TFB2M: variants seen among roughly 807,000 people sequenced by gnomAD.
TFB2M encodes dimethyladenosine transferase 2, mitochondrial.
Under a neutral mutation model 41.3 loss-of-function variants are expected in TFB2M, and 44 were observed. The ratio of observed to expected loss-of-function variants is 1.07; its 90% CI spans 0.84 to 1.37. The LOEUF is 1.37. Ranked by LOEUF, TFB2M falls within the 40% of genes most tolerant of loss-of-function variation. The pLI, the probability that TFB2M is intolerant of heterozygous loss-of-function variation, is 0.00. For synonymous variants in TFB2M, 188 were observed against 176.8 expected (o/e 1.06, Z -0.50); for missense variants, 496 against 490.2 (o/e 1.01, Z -0.11).
chr1:246,556,069 G>A (rs1391330473), intron 4 of TFB2M, among the ~76,000 whole-genome samples: 1 of 152,152 alleles, frequency 6.6e-6, no homozygotes, highest in Non-Finnish European at 1.5e-5. Flanking sequence ...GGGATTACAG[G>A]AGTGAGCCAC....
rs1174288631 is a variant in TFB2M at position 246,562,108 on chromosome 1, T to C, written c.402+2238A>G. Among the ~76,000 whole-genome samples, 4 of 152,136 alleles carry C rather than the reference T, an allele frequency of 2.6e-5. No homozygotes were observed. In the East Asian group the frequency reaches 5.8e-4, roughly 22 times the overall value. On this transcript the variant is annotated intron_variant, in intron 2 of 7. Coordinates refer to ENST00000366514, the MANE Select transcript of TFB2M (RefSeq NM_022366.3). ...GAACTCTTTTCAAAACAGTAAGTGG[T>C]AGAATAACAATAATTTCATACTCAT...
chr1:246,544,756 A>G lies in TFB2M; in HGVS notation c.859-75T>C. On this transcript the variant is annotated intron_variant, in intron 6 of 7. Transcript: ENST00000366514. ...TAAGACATTGCTCACTTCTTCCTTC[A>G]AGCTATCTGCTGAAAGACACAATCA... 2.3e-6 allele frequency: 3 copies of G among 1,325,424 alleles called. 1 individual carries two copies. The South Asian group carries it at 4.3e-5, about 19-fold the overall frequency. The allele number at this position is 1,325,424 out of a possible 1,614,324, so 82.1% of individuals were successfully genotyped here.
At chr1:246,556,960 G>GT (rs1319983057) in intron 3 of TFB2M, among the ~76,000 whole-genome samples, 1 of 152,086 alleles carries the variant, frequency 6.6e-6, no homozygotes, top group Non-Finnish European at 1.5e-5. Flanking sequence ...CTCATAAACT[G>GT]TATTAATATA....
In TFB2M at chr1:246,563,188, T is replaced by C. The variant is rs996674563; in HGVS notation, c.402+1158A>G. Reference sequence around the variant, plus strand: ...ATTCTGATGCTGCTGTGCTGCTTAGTTTCTCTGAACACACTTTTTTTTTTT... The same window carrying C: ...ATTCTGATGCTGCTGTGCTGCTTAGCTTCTCTGAACACACTTTTTTTTTTT... On this transcript the variant is annotated intron_variant, in intron 2 of 7. Coordinates refer to ENST00000366514, the MANE Select transcript of TFB2M (RefSeq NM_022366.3). Among the ~76,000 whole-genome samples, 3 of 146,602 alleles carry C rather than the reference T, an allele frequency of 2.0e-5. No homozygotes were observed. In the Admixed American group the frequency reaches 2.1e-4, roughly 10 times the overall value.
intron 6 of TFB2M, among the ~76,000 whole-genome samples, chr1:246,545,046 C>A (rs939398008): frequency 1.2e-4 from 16 of 137,516 alleles, no homozygotes; most frequent in Admixed American, 1.1e-3. Flanking sequence ...ACCTCGTGAT[C>A]CGCCCGCCTC....
intron 2 of TFB2M, among the ~76,000 whole-genome samples, chr1:246,558,816 T>C (rs1003588873): frequency 1.3e-5 from 2 of 152,198 alleles, no homozygotes; most frequent in Non-Finnish European, 2.9e-5. Context: ...GTCTAATATA[T>C]CTCAGTCTTC....
At chr1:246,545,006 C>G (rs191640887) in intron 6 of TFB2M, among the ~76,000 whole-genome samples, 3 of 151,734 alleles carry the variant, frequency 2.0e-5, no homozygotes, top group Non-Finnish European at 4.4e-5. Context: ...GGGGTTTCAC[C>G]GTGTTAGCCA....
chr1:246,555,620 T>TA (rs1367081742), intron 4 of TFB2M, among the ~76,000 whole-genome samples: 4 of 151,844 alleles, frequency 2.6e-5, no homozygotes, highest in Non-Finnish European at 5.9e-5. Context: ...CACAAAAAAC[T>TA]AAAAATAGAA....
intron 5 of TFB2M, 27 bp downstream of exon 5, chr1:246,551,186 G>A (rs372133000): frequency 1.1e-5 from 17 of 1,586,070 alleles, no homozygotes; most frequent in Middle Eastern, 1.7e-4. Flanking sequence ...AAAGAAAAAC[G>A]TTTTTAAACA....
chr1:246,558,583 A>G (rs1572091190), intron 2 of TFB2M, among the ~76,000 whole-genome samples: 1 of 152,342 alleles, frequency 6.6e-6, no homozygotes. Flanking sequence ...GAGAACTGTG[A>G]GCCATCTGCT....
At chr1:246,549,209 C>G (rs1463840740) in intron 5 of TFB2M, among the ~76,000 whole-genome samples, 1 of 151,984 alleles carries the variant, frequency 6.6e-6, no homozygotes, top group East Asian at 1.9e-4. Context: ...ATAACAAAAA[C>G]CTAGTGTCAA....
At chr1:246,551,699 AACAAC>A (rs1244665807) in intron 4 of TFB2M, among the ~76,000 whole-genome samples, 4 of 97,012 alleles carry the variant, frequency 4.1e-5, no homozygotes, top group Non-Finnish European at 1.1e-4. Context: ...CTTAAAAAAC[AACAAC>A]ACACAAGTGT....
intron 6 of TFB2M, among the ~76,000 whole-genome samples, chr1:246,547,185 C>T (rs1032374403): frequency 3.9e-5 from 6 of 152,032 alleles, no homozygotes; most frequent in South Asian, 2.1e-4. Context: ...GGTTTCAGCA[C>T]GTTGGCCAGG....
At chr1:246,553,467 C>CAACGTGGTAA (rs1659239630) in intron 4 of TFB2M, among the ~76,000 whole-genome samples, 1 of 152,130 alleles carries the variant, frequency 6.6e-6, no homozygotes, top group Non-Finnish European at 1.5e-5. Flanking sequence ...CCCAGAAGTT[C>CAACGTGGTAA]AAGACCAGCC....
intron 6 of TFB2M, 109 bp downstream of exon 6, chr1:246,548,436 T>C (rs1028835689): frequency 1.2e-6 from 1 of 847,260 alleles, no homozygotes; most frequent in East Asian, 2.8e-5. Context: ...TGTTTCTAGA[T>C]ATTTTAAAAT....
In TFB2M at chr1:246,564,062, G is replaced by C. The variant is rs147845489; in HGVS notation, c.402+284C>G. Reference sequence around the variant, plus strand: ...CACAGCGCAGCTTAGTAGAAATGGGGAAACAAGCCTAGGGATGCCAGTTAT... The same window carrying C: ...CACAGCGCAGCTTAGTAGAAATGGGCAAACAAGCCTAGGGATGCCAGTTAT... On this transcript the variant is annotated intron_variant, in intron 2 of 7. Transcript: ENST00000366514. Among the ~76,000 whole-genome samples the C allele has an allele frequency of 5.9e-3, 897 of 152,316 alleles. 7 individuals are homozygous for C. Among genetic ancestry groups the C allele is most frequent in the African/African-American group, 0.021 (864 of 41,562 alleles).
Position 246,553,626 on chromosome 1 carries a change from C to A in TFB2M, c.706-2324G>T, listed in dbSNP as rs142544570. Reference sequence around the variant, plus strand: ...AAGGCTTCAGTGAGCTGTGATCCTGCCACTGCACTCCAGCCTGGGCGACAG... The same window carrying A: ...AAGGCTTCAGTGAGCTGTGATCCTGACACTGCACTCCAGCCTGGGCGACAG... On this transcript the variant is annotated intron_variant, in intron 4 of 7. Transcript: ENST00000366514. 6.6e-3 allele frequency among the ~76,000 whole-genome samples: 993 copies of A among 151,220 alleles called. 5 individuals are homozygous for A. Among genetic ancestry groups the A allele is most frequent in the Non-Finnish European group, 0.011 (740 of 67,644 alleles).
At chr1:246,563,130 G>A (rs1262454946) in intron 2 of TFB2M, among the ~76,000 whole-genome samples, 1 of 151,640 alleles carries the variant, frequency 6.6e-6, no homozygotes. Flanking sequence ...GCCTGCCGCT[G>A]TGTGTTTCCA....
At chr1:246,556,086 C>T (rs1343266604) in intron 4 of TFB2M, among the ~76,000 whole-genome samples, 4 of 152,108 alleles carry the variant, frequency 2.6e-5, no homozygotes, top group African/African-American at 7.2e-5. Flanking sequence ...CCACCGTGCC[C>T]GGCCAGAATG....
Sources: allele counts gnomAD v4.1 joint callset (sites outside exome capture counted in the v4.1 genomes callset), GRCh38; gene constraint gnomAD v4.1.1; transcripts MANE v1.5; gene names NCBI Gene and HGNC (gene_info 2026-07-23, HGNC 2026-07-21).